Variants in PITX3 observed in about 807,000 individuals in gnomAD.
PITX3 encodes paired like homeodomain 3.
In PITX3, 4 loss-of-function variants were observed where a neutral mutation model predicts 14.2. That is an observed-to-expected ratio of 0.28 (90% CI 0.14 to 0.65). PITX3 has a LOEUF of 0.65. Among genes scored for constraint, PITX3 ranks in the 30% least tolerant of loss-of-function variants. The pLI is 0.82. For missense variants in PITX3, 358 were observed against 426.8 expected, an observed-to-expected ratio of 0.84 and a Z score of 1.42; for synonymous variants, 194 against 204.5, an observed-to-expected ratio of 0.95 and a Z score of 0.44.
intron 1 of PITX3, among the ~76,000 whole-genome samples, chr10:102,234,789 C>T (rs1009833906): frequency 1.3e-5 from 2 of 152,200 alleles, no homozygotes; most frequent in Non-Finnish European, 2.9e-5. Context: ...GCCACCTAGC[C>T]TTCCAGTCAG....
chr10:102,240,349 T>C (rs1185298393), intron 1 of PITX3, among the ~76,000 whole-genome samples: 1 of 152,264 alleles, frequency 6.6e-6, no homozygotes, highest in Non-Finnish European at 1.5e-5. Flanking sequence ...TGCTCTGATC[T>C]ATTCTGAATT....
At position 102,230,568 on chromosome 10, in the gene PITX3, C is replaced by A; in HGVS notation, c.855G>T (p.Pro285=). The A allele has an allele frequency of 3.1e-6, 5 of 1,611,092 alleles. No homozygotes were observed. The highest frequency in any genetic ancestry group is 4.2e-6 in the Non-Finnish European group (5 of 1,178,964). ...ACGGACTAAGGTTGGCTGCCGGGGGCGGCCCGTGCACAGCGGGGTAGCTGA... is the reference window on the plus strand; with the variant it reads ...ACGGACTAAGGTTGGCTGCCGGGGGAGGCCCGTGCACAGCGGGGTAGCTGA... ...ASFSYPAVHG[P]PPAANLSPCQ... Residue 285 remains proline (P), a synonymous_variant, in exon 4 of 4, where the codon CCG becomes CCT. Transcript: ENST00000370002.
chr10:102,237,899 A>G (rs2070441926), intron 1 of PITX3, among the ~76,000 whole-genome samples: 1 of 151,452 alleles, frequency 6.6e-6, no homozygotes. Flanking sequence ...CCACCCCACT[A>G]TGAGAAGCAA....
chr10:102,230,995 G>A lies in PITX3; in HGVS notation c.428C>T (p.Pro143Leu), dbSNP rs1378176973. Residue 143 changes from proline (P) to leucine (L), a missense_variant, in exon 4 of 4, where the codon CCC (proline) becomes CTC (leucine). Transcript: ENST00000370002. ...GTAGCCGGGGTACACCTCCTCGTAG[G>A]GCGGCACCAGCCCCCCGAGCGGCGC... ...FAAPLGGLVP[P>L]YEEVYPGYSY... 1 of 1,602,512 alleles carries A rather than the reference G, an allele frequency of 6.2e-7. No homozygotes were observed. The highest frequency in any genetic ancestry group is 1.7e-5 in the Admixed American group (1 of 59,134).
intron 1 of PITX3, among the ~76,000 whole-genome samples, chr10:102,239,983 G>A (rs542000519): frequency 6.6e-4 from 101 of 152,316 alleles, no homozygotes; most frequent in Middle Eastern, 6.8e-3. Context: ...TCCCACCTCC[G>A]CTCAGCCACC....
intron 1 of PITX3, among the ~76,000 whole-genome samples, chr10:102,239,774 TC>T (rs941567158): frequency 6.6e-6 from 1 of 152,248 alleles, no homozygotes; most frequent in African/African-American, 2.4e-5. Context: ...TCTGTCCTCT[TC>T]AGCATAATTG....
In PITX3 at chr10:102,232,125, T is replaced by A. The variant is rs200809153; in HGVS notation, c.-12-33A>T. 3.7e-5 allele frequency: 46 copies of A among 1,246,164 alleles called. No homozygotes were observed. In the African/African-American group the frequency reaches 6.0e-4, roughly 16 times the overall value. 77.2% of individuals were successfully genotyped at this position (1,246,164 alleles called of 1,614,324 possible). Reference sequence around the variant, plus strand: ...CGAGAGAAGACACAGACCAGGGTAATGGGGGTAAAATCTCCGGCTTAGCTA... The same window carrying A: ...CGAGAGAAGACACAGACCAGGGTAAAGGGGGTAAAATCTCCGGCTTAGCTA... On this transcript the variant is annotated intron_variant, in intron 1 of 3. Coordinates refer to ENST00000370002, the MANE Select transcript of PITX3 (RefSeq NM_005029.4).
At chr10:102,240,396 G>T (rs1356582107) in intron 1 of PITX3, among the ~76,000 whole-genome samples, 4 of 152,190 alleles carry the variant, frequency 2.6e-5, no homozygotes, top group Non-Finnish European at 4.4e-5. Flanking sequence ...TCACCCCAAG[G>T]CCAGGTTGTA....
Position 102,230,528 on chromosome 10 carries a change from C to G in PITX3, c.895G>C (p.Glu299Gln), listed in dbSNP as rs746699056. Residue 299 changes from glutamate (E) to glutamine (Q), a missense_variant, in exon 4 of 4, where the codon GAA becomes CAA. Glu to Gln is a conservative substitution (Grantham distance 29). Transcript: ENST00000370002. ...GGCGGGGCCGCTCATACGGGCCTTT[C>G]CACGGCGTACTGGCACGGACTAAGG... ...ANLSPCQYAV[E>Q]RPV is the part of the protein sequence containing the mutation. The G allele has an allele frequency of 2.5e-6, 4 of 1,609,424 alleles. No homozygotes were observed. The highest frequency in any genetic ancestry group is 1.3e-5 in the African/African-American group (1 of 74,834).
At chr10:102,234,615 G>A (rs2070336266) in intron 1 of PITX3, among the ~76,000 whole-genome samples, 1 of 152,084 alleles carries the variant, frequency 6.6e-6, no homozygotes, top group South Asian at 2.1e-4. Flanking sequence ...TTGGAAAAAG[G>A]GGTGCTCTGA....
intron 1 of PITX3, among the ~76,000 whole-genome samples, chr10:102,235,247 G>T (rs1294462113): frequency 6.7e-6 from 1 of 148,770 alleles, no homozygotes; most frequent in East Asian, 2.0e-4. Flanking sequence ...GACTCTGTGT[G>T]GGGGAGGAGC....
chr10:102,230,565 G>C lies in PITX3; in HGVS notation c.858C>G (p.Pro286=), dbSNP rs2070203080. The change falls in exon 4 of 4, where the codon CCC becomes CCG. Residue 286 remains proline (P), a synonymous_variant. Coordinates refer to ENST00000370002, the MANE Select transcript of PITX3 (RefSeq NM_005029.4). Reference sequence around the variant, plus strand: ...GGCACGGACTAAGGTTGGCTGCCGGGGGCGGCCCGTGCACAGCGGGGTAGC... The same window carrying C: ...GGCACGGACTAAGGTTGGCTGCCGGCGGCGGCCCGTGCACAGCGGGGTAGC... ...SFSYPAVHGP[P]PAANLSPCQY... is the part of the protein sequence containing the mutation. 1 of 1,611,364 alleles carries C rather than the reference G, an allele frequency of 6.2e-7. No individual in the cohort carries two copies. The highest frequency in any genetic ancestry group is 2.2e-5 in the East Asian group (1 of 44,762).
chr10:102,233,288 TTTTTTTTTTTTCCTTC>T (rs1246620799), intron 1 of PITX3, among the ~76,000 whole-genome samples: 1 of 17,424 alleles, frequency 5.7e-5, no homozygotes, highest in Non-Finnish European at 1.1e-4. Context: ...GACTTCTTTC[TTTTTTTTTTTTCCTTC>T]TTTTTTTTTT....
At chr10:102,237,576 G>A (rs2070430911) in intron 1 of PITX3, among the ~76,000 whole-genome samples, 1 of 152,014 alleles carries the variant, frequency 6.6e-6, no homozygotes, top group African/African-American at 2.4e-5. Context: ...CTGAGCAACA[G>A]CCCTGAATAA....
chr10:102,231,762 G>C lies in PITX3; in HGVS notation c.147C>G (p.Pro49=), dbSNP rs143137940. The change falls in exon 3 of 4, where the codon CCC becomes CCG. Residue 49 remains proline (P), a synonymous_variant. Transcript: ENST00000370002. Reference sequence around the variant, plus strand: ...GCGAACCGTCCTCTGGGGAGCCGCCGGGCAGCGAAGCCGAGGCCTTTTCTG... The same window carrying C: ...GCGAACCGTCCTCTGGGGAGCCGCCCGGCAGCGAAGCCGAGGCCTTTTCTG... The part of the protein sequence containing the change: ...SDSEKASASL[P]GGSPEDGSLK... 6.2e-7 allele frequency: 1 copy of C among 1,606,338 alleles called. No homozygotes were observed. The highest frequency in any genetic ancestry group is 8.5e-7 in the Non-Finnish European group (1 of 1,177,880).
rs74155236 is a variant in PITX3 at position 102,238,111 on chromosome 10, T to C, written c.-13+3222A>G. ...AGGAGAGATAGAGTTTTGAAAGTTA[T>C]TCCTCTCTGTCTTCCCCCAACTCTT... On this transcript the variant is annotated intron_variant, in intron 1 of 3. Transcript: ENST00000370002. 7.9e-3 allele frequency among the ~76,000 whole-genome samples: 1,199 copies of C among 152,246 alleles called. 16 individuals carry two copies. The highest frequency in any genetic ancestry group is 0.023 in the African/African-American group (973 of 41,534).
At position 102,235,945 on chromosome 10, in the gene PITX3, G is replaced by A. The variant is rs140649762; in HGVS notation, c.-12-3853C>T. ...CCACTTTGGGGACAAGGGACTGGTA[G>A]AGGAAAGAATGAAGCCTTTAGGCTC... is the stretch of plus-strand genomic sequence containing the variant. On this transcript the variant is annotated intron_variant, in intron 1 of 3. Transcript: ENST00000370002. Among the ~76,000 whole-genome samples the A allele has an allele frequency of 2.9e-3, 440 of 152,364 alleles. 1 individual carries two copies. The highest frequency in any genetic ancestry group is 0.01 in the African/African-American group (421 of 41,596).
In PITX3 at chr10:102,230,979, G is replaced by T; in HGVS notation, c.444C>A (p.Tyr148Ter). ...GCCAGTTGCCGTACGAGTAGCCGGG[G>T]TACACCTCCTCGTAGGGCGGCACCA... is the stretch of plus-strand genomic sequence containing the variant. Reference protein sequence around the residue: ...GGLVPPYEEVYPGYSYGNWPP... With the variant: ...GGLVPPYEEV Residue 148 changes from tyrosine to a stop codon, truncating the protein, a stop_gained, in exon 4 of 4, where the codon TAC (tyrosine) becomes TAA (stop). Coordinates refer to ENST00000370002, the MANE Select transcript of PITX3 (RefSeq NM_005029.4). LOFTEE classifies it low-confidence loss of function (END_TRUNC). 1 of 1,606,712 alleles carries T rather than the reference G, an allele frequency of 6.2e-7. No individual in the cohort carries two copies. The highest frequency in any genetic ancestry group is 8.5e-7 in the Non-Finnish European group (1 of 1,177,742).
rs781392103 is a variant in PITX3 at position 102,231,112 on chromosome 10, G to A, written c.322-11C>T. The A allele has an allele frequency of 6.6e-7, 1 of 1,524,578 alleles. No homozygotes were observed. Among genetic ancestry groups the A allele is most frequent in the East Asian group, 2.3e-5 (1 of 42,726 alleles). The allele number at this position is 1,524,578 out of a possible 1,614,324, so 94.4% of individuals were successfully genotyped here. A position where few individuals can be genotyped will look rare whatever the true frequency, so the allele number is the denominator to read the frequency against. On this transcript the variant is annotated splice_polypyrimidine_tract_variant and intron_variant, in intron 3 of 3. Transcript: ENST00000370002. ...GTTCTTGAACCACACCTGCGGGCAC[G>A]GGAGAAAGGCGGTCAGGGCCCGGGG...
Sources: allele counts gnomAD v4.1 joint callset (sites outside exome capture counted in the v4.1 genomes callset), GRCh38; gene constraint gnomAD v4.1.1; transcripts MANE v1.5; gene names NCBI Gene and HGNC (gene_info 2026-07-23, HGNC 2026-07-21).